SULT4A1: variants seen among roughly 807,000 people sequenced by gnomAD.
SULT4A1 encodes sulfotransferase 4A1.
A neutral mutation model predicts 35.2 loss-of-function variants in SULT4A1; 11 were observed. The ratio of observed to expected loss-of-function variants is 0.31; its 90% CI spans 0.20 to 0.52. The LOEUF (loss-of-function observed/expected upper bound fraction) is 0.52. Ranked by LOEUF, SULT4A1 falls within the 20% of genes least tolerant of loss-of-function variation. SULT4A1 has a pLI of 0.97. For synonymous variants in SULT4A1, 152 were observed against 151.8 expected (o/e 1.00, Z -0.01); for missense variants, 271 against 383.7 (o/e 0.71, Z 2.45).
chr22:43,849,284 CA>C (rs1420239734), intron 1 of SULT4A1, among the ~76,000 whole-genome samples: 3 of 152,198 alleles, frequency 2.0e-5, no homozygotes, highest in African/African-American at 7.2e-5. Flanking sequence ...GTGATAGGGA[CA>C]GGGGGCAGGG....
At chr22:43,840,465 C>A (rs965169687) in intron 2 of SULT4A1, among the ~76,000 whole-genome samples, 2 of 152,080 alleles carry the variant, frequency 1.3e-5, no homozygotes, top group African/African-American at 2.4e-5. Flanking sequence ...TGGACCCTGG[C>A]GGTAGAGACA....
chr22:43,840,103 G>A (rs1182825848), intron 2 of SULT4A1, 78 bp from the exon 3 acceptor site: 3 of 1,028,064 alleles, frequency 2.9e-6, no homozygotes, highest in Non-Finnish European at 4.3e-6. Context: ...GGGGAAGGGG[G>A]CCAGAGGAGG....
At chr22:43,851,047 C>T (rs577203074) in intron 1 of SULT4A1, among the ~76,000 whole-genome samples, 1 of 152,282 alleles carries the variant, frequency 6.6e-6, no homozygotes, top group Middle Eastern at 3.4e-3. Flanking sequence ...CTTTCTGGAA[C>T]TCCAGGATTA....
chr22:43,855,999 T>C (rs2049397416), intron 1 of SULT4A1, among the ~76,000 whole-genome samples: 1 of 152,160 alleles, frequency 6.6e-6, no homozygotes, highest in African/African-American at 2.4e-5. Context: ...GGTGAGCCCA[T>C]GTGACAGCAC....
At chr22:43,859,814 G>A (rs1421402230) in intron 1 of SULT4A1, among the ~76,000 whole-genome samples, 1 of 152,210 alleles carries the variant, frequency 6.6e-6, no homozygotes, top group Non-Finnish European at 1.5e-5. Context: ...CTGAGCACCT[G>A]AAACATGGTG....
Position 43,833,753 on chromosome 22 carries a change from G to A in SULT4A1, c.509-19C>T, listed in dbSNP as rs1415343664. 1.0e-5 allele frequency: 16 copies of A among 1,556,186 alleles called. No individual in the cohort carries two copies. The highest frequency in any genetic ancestry group is 3.9e-5 in the Admixed American group (2 of 51,678). On this transcript the variant is annotated intron_variant, in intron 4 of 6. Transcript: ENST00000330884. ...TAGCCCACTGCGGAGACAGGGGACA[G>A]GGTGAGCCACACGGCTGGGCAGGAG...
At chr22:43,832,818 C>T (rs1402648969) in intron 5 of SULT4A1, among the ~76,000 whole-genome samples, 1 of 152,134 alleles carries the variant, frequency 6.6e-6, no homozygotes, top group African/African-American at 2.4e-5. Flanking sequence ...TTTCTGACCT[C>T]CAACTCCAGC....
At chr22:43,827,575 C>T (rs377437162) in intron 6 of SULT4A1, 140 of 1,366,088 alleles carry the variant, frequency 1.0e-4, no homozygotes, top group Non-Finnish European at 1.4e-4. Flanking sequence ...CTAAGCAATG[C>T]AGCTGGCTAC....
chr22:43,832,079 T>C (rs901338317), intron 5 of SULT4A1, among the ~76,000 whole-genome samples: 4 of 152,172 alleles, frequency 2.6e-5, no homozygotes, highest in Non-Finnish European at 5.9e-5. Flanking sequence ...AGAGCCCACG[T>C]TGTTCCCCAG....
Position 43,825,922 on chromosome 22 carries a change from G to T in SULT4A1, c.*79C>A. The stretch of plus-strand genomic sequence containing the variant: ...GCTGCTTCCAGAGTTTGTCCAGCAA[G>T]GAATAAATGAATGCATACAGGACTT... On this transcript the variant is annotated 3_prime_UTR_variant, in exon 7 of 7. Coordinates refer to ENST00000330884, the MANE Select transcript of SULT4A1 (RefSeq NM_014351.4). 1 of 1,377,694 alleles carries T rather than the reference G, an allele frequency of 7.3e-7. No individual in the cohort carries two copies. Among genetic ancestry groups the T allele is most frequent in the Non-Finnish European group, 1.0e-6 (1 of 985,860 alleles). The allele number at this position is 1,377,694 out of a possible 1,614,324, so 85.3% of individuals were successfully genotyped here. A position where few individuals can be genotyped will look rare whatever the true frequency, so the allele number is the denominator to read the frequency against.
In SULT4A1 at chr22:43,842,924, G is replaced by C. The variant is rs146579764; in HGVS notation, c.170-992C>G. On this transcript the variant is annotated intron_variant, in intron 1 of 6. Coordinates refer to ENST00000330884, the MANE Select transcript of SULT4A1 (RefSeq NM_014351.4). ...CCCCCAGCCCTTATTACAGTCTTTT[G>C]TCATAATATTGGACCACTCCAGGCC... is the stretch of plus-strand genomic sequence containing the variant. Among the ~76,000 whole-genome samples, 842 of 151,498 alleles carry C rather than the reference G, an allele frequency of 5.6e-3. 6 individuals are homozygous for C. Among genetic ancestry groups the C allele is most frequent in the Non-Finnish European group, 8.3e-3 (566 of 67,928 alleles).
At chr22:43,831,396 T>A (rs1446415081) in intron 5 of SULT4A1, among the ~76,000 whole-genome samples, 1 of 152,170 alleles carries the variant, frequency 6.6e-6, no homozygotes, top group Non-Finnish European at 1.5e-5. Context: ...TTCAATGCTA[T>A]GTCATTGGTG....
chr22:43,840,852 G>A (rs996346210), intron 2 of SULT4A1, among the ~76,000 whole-genome samples: 4 of 152,206 alleles, frequency 2.6e-5, no homozygotes, highest in African/African-American at 9.6e-5. Flanking sequence ...TGCTCTGGAA[G>A]GCCAGGCCCC....
At chr22:43,857,301 C>T (rs1270785732) in intron 1 of SULT4A1, among the ~76,000 whole-genome samples, 1 of 141,826 alleles carries the variant, frequency 7.1e-6, no homozygotes, top group Non-Finnish European at 1.5e-5. Flanking sequence ...ACTCAGGAGG[C>T]TGAGGAAAGA....
intron 2 of SULT4A1, 73 bp downstream of exon 2, chr22:43,841,729 T>C (rs2063431087): frequency 1.3e-6 from 2 of 1,559,664 alleles, no homozygotes; most frequent in South Asian, 2.4e-5. Flanking sequence ...CAGGAGCAAC[T>C]GTCAATCATC....
intron 1 of SULT4A1, among the ~76,000 whole-genome samples, chr22:43,859,983 C>T (rs542999570): frequency 7.9e-4 from 121 of 152,276 alleles, no homozygotes; most frequent in African/African-American, 2.7e-3. Context: ...GCAAGCAGCA[C>T]GGGGTTGTGG....
At chr22:43,839,915 T>C in intron 3 of SULT4A1, 30 bp downstream of exon 3, 1 of 1,583,056 alleles carries the variant, frequency 6.3e-7, no homozygotes, top group East Asian at 2.3e-5. Flanking sequence ...TGGGGACTCA[T>C]CTCGGGAGGC....
At chr22:43,845,273 C>A (rs962856668) in intron 1 of SULT4A1, among the ~76,000 whole-genome samples, 5 of 151,394 alleles carry the variant, frequency 3.3e-5, no homozygotes, top group Admixed American at 3.3e-4. Context: ...CCAGGTCCAC[C>A]CCTCCACACA....
intron 5 of SULT4A1, among the ~76,000 whole-genome samples, chr22:43,830,062 T>A (rs565618367): frequency 1.3e-5 from 2 of 152,226 alleles, no homozygotes; most frequent in Admixed American, 6.5e-5. Flanking sequence ...GTCCCCACAG[T>A]GCGCTGACTC....
Sources: gnomAD v4.1 joint callset for allele counts (sites outside exome capture counted in the v4.1 genomes callset) on GRCh38, gnomAD v4.1.1 for gene constraint, MANE v1.5 for transcripts, NCBI Gene and HGNC (gene_info 2026-07-23, HGNC 2026-07-21) for gene names.